Variants in MYH15 observed in about 807,000 individuals in gnomAD.
MYH15 encodes myosin-15.
MYH15 carries 227 observed loss-of-function variants against 240.5 expected under a neutral mutation model. The ratio of observed to expected loss-of-function variants is 0.94; its 90% confidence interval spans 0.85 to 1.05. The LOEUF (loss-of-function observed/expected upper bound fraction) is 1.05, where lower values mean the gene tolerates loss of function less well. MYH15 is among the 50% of genes least tolerant of loss of function. The pLI, the probability that MYH15 is intolerant of heterozygous loss-of-function variation, is 0.00. For synonymous variants in MYH15, 785 were observed against 796.7 expected, an observed-to-expected ratio of 0.99 and a Z score of 0.25; for missense variants, 2,217 against 2,247.5, an observed-to-expected ratio of 0.99 and a Z score of 0.27.
chr3:108,419,715 G>C (rs981677153), intron 28 of MYH15, among the ~76,000 whole-genome samples: 1 of 152,132 alleles, frequency 6.6e-6, no homozygotes. Context: ...TAGATTTCCA[G>C]GTTTTTAGTT....
At chr3:108,392,040 T>C in intron 36 of MYH15, 110 bp from the exon 37 acceptor site, 2 of 1,190,006 alleles carry the variant, frequency 1.7e-6, no homozygotes, top group South Asian at 2.9e-5. Context: ...CTTGCCTCTA[T>C]GTATGTGATC....
chr3:108,437,185 A>AT (rs10714366), intron 25 of MYH15, among the ~76,000 whole-genome samples: 21,751 of 142,368 alleles, frequency 0.15, 1,793 homozygotes, highest in South Asian at 0.23. Flanking sequence ...ATCAGGATCA[A>AT]TTTTTTTTTT....
At chr3:108,454,602 T>C (rs749082598) in intron 20 of MYH15, among the ~76,000 whole-genome samples, 1 of 152,170 alleles carries the variant, frequency 6.6e-6, no homozygotes, top group Non-Finnish European at 1.5e-5. Flanking sequence ...TCTAAAACCA[T>C]TTTTAGCTAG....
At position 108,501,911 on chromosome 3, in the gene MYH15, T is replaced by C. The variant is rs542375634; in HGVS notation, c.196-56A>G. ...TCCCCTGTCTCCTATGCGTATTCAT[T>C]TTCCCATGAATTAGAAAGAATATTC... is the stretch of plus-strand genomic sequence containing the variant. On this transcript the variant is annotated intron_variant, in intron 2 of 40. Transcript: ENST00000693548. The C allele has an allele frequency of 9.1e-6, 14 of 1,542,664 alleles. No homozygotes were observed. In the East Asian group the frequency reaches 2.5e-4, roughly 27 times the overall value.
intron 27 of MYH15, 36 bp from the exon 28 acceptor site, chr3:108,421,250 C>A (rs1382443961): frequency 1.2e-6 from 2 of 1,601,166 alleles, no homozygotes; most frequent in Middle Eastern, 1.8e-4. Context: ...TCAGGGCTCA[C>A]AGAGGATACT....
chr3:108,392,400 T>C (rs966998527), intron 36 of MYH15, among the ~76,000 whole-genome samples: 3 of 152,224 alleles, frequency 2.0e-5, no homozygotes, highest in Non-Finnish European at 4.4e-5. Flanking sequence ...GCTCCAGGAA[T>C]TTGGCAGTAA....
rs370498032 is a variant in MYH15 at position 108,510,553 on chromosome 3, A to C, written c.-23T>G. ...CATCTTTATTAAAGCAATCCACCAA[A>C]AAAAGGCCCTAAACGTGAGTAGGCA... On this transcript the variant is annotated 5_prime_UTR_variant, in exon 1 of 41. Coordinates refer to ENST00000693548, the MANE Select transcript of MYH15 (RefSeq NM_014981.3). The C allele has an allele frequency of 1.2e-6, 2 of 1,613,344 alleles. No individual in the cohort carries two copies. Among genetic ancestry groups the C allele is most frequent in the South Asian group, 1.1e-5 (1 of 91,006 alleles).
At chr3:108,394,331 G>T (rs2082443349) in intron 35 of MYH15, among the ~76,000 whole-genome samples, 175 bp from the exon 36 acceptor site, 1 of 152,170 alleles carries the variant, frequency 6.6e-6, no homozygotes, top group South Asian at 2.1e-4. Context: ...CATCAAACTT[G>T]AATGGAAGGG....
the MYH15 span, among the ~76,000 whole-genome samples, chr3:108,541,822 A>G: frequency 5.3e-5 from 8 of 152,278 alleles, no homozygotes; most frequent in Non-Finnish European, 8.8e-5. Context: ...ATGATCAAGA[A>G]GCCCTATACG....
intron 1 of MYH15, among the ~76,000 whole-genome samples, chr3:108,526,848 G>T (rs1481220156): frequency 6.6e-6 from 1 of 152,066 alleles, no homozygotes; most frequent in African/African-American, 2.4e-5. Flanking sequence ...GTGAGGACTG[G>T]TGTTTTGGTT....
intron 29 of MYH15, 50 bp downstream of exon 29, chr3:108,416,762 A>T (rs116262927): frequency 0.92 from 1,304,967 of 1,425,460 alleles, 597,736 homozygotes; most frequent in East Asian, 0.99. Flanking sequence ...TATTTTTTAA[A>T]AAAAAAAACA....
At chr3:108,445,867 T>C (rs2107572261) in intron 21 of MYH15, among the ~76,000 whole-genome samples, 1 of 151,942 alleles carries the variant, frequency 6.6e-6, no homozygotes, top group Non-Finnish European at 1.5e-5. Flanking sequence ...ATAAAATGTC[T>C]AAAACTAAAA....
chr3:108,463,327 T>C (rs2083087219), intron 15 of MYH15, 84 bp from the exon 16 acceptor site: 1 of 1,422,434 alleles, frequency 7.0e-7, no homozygotes, highest in Non-Finnish European at 9.5e-7. Context: ...ACCCCTTTTT[T>C]TTTTTGAGAC....
Position 108,476,492 on chromosome 3 carries a change from T to C in MYH15, c.1138A>G (p.Met380Val), listed in dbSNP as rs778269071. 134 of 1,612,324 alleles carry C rather than the reference T, an allele frequency of 8.3e-5. No homozygotes were observed. The highest frequency in any genetic ancestry group is 1.1e-4 in the Non-Finnish European group (130 of 1,178,770). ...ACCAACTCAGAGGAGTTAATGCCCA[T>C]GAGGAAAGCAGCTTTGTCAGCATCT... Reference protein sequence around the residue: ...TENADKAAFLMGINSSELVKC... With the variant: ...TENADKAAFLVGINSSELVKC... The change falls in exon 12 of 41, where the codon ATG becomes GTG. Residue 380 changes from methionine (M) to valine (V), a missense_variant. Met to Val is a conservative substitution (Grantham distance 21, BLOSUM62 1). Coordinates refer to ENST00000693548, the MANE Select transcript of MYH15 (RefSeq NM_014981.3).
chr3:108,493,767 G>A (rs1448752465), intron 7 of MYH15, among the ~76,000 whole-genome samples: 1 of 152,160 alleles, frequency 6.6e-6, no homozygotes, highest in African/African-American at 2.4e-5. Context: ...AAATGGAGTC[G>A]AAGAGGTAGA....
chr3:108,415,846 G>C (rs2082628787), intron 29 of MYH15, among the ~76,000 whole-genome samples: 1 of 152,154 alleles, frequency 6.6e-6, no homozygotes, highest in South Asian at 2.1e-4. Context: ...GAAGGAGGCT[G>C]GAGCCAGATC....
intron 38 of MYH15, among the ~76,000 whole-genome samples, chr3:108,385,672 T>C (rs2082378269): frequency 6.6e-6 from 1 of 152,222 alleles, no homozygotes; most frequent in Non-Finnish European, 1.5e-5. Flanking sequence ...GAGAAGCTGA[T>C]TTAATCAAGA....
chr3:108,544,101 A>C, the MYH15 span, among the ~76,000 whole-genome samples: 2 of 152,238 alleles, frequency 1.3e-5, no homozygotes, highest in African/African-American at 4.8e-5. Flanking sequence ...GATCTAAAAG[A>C]AGCCACTGAT....
At chr3:108,396,347 G>GA (rs749443320) in intron 35 of MYH15, among the ~76,000 whole-genome samples, 1 of 129,098 alleles carries the variant, frequency 7.7e-6, no homozygotes, top group African/African-American at 2.9e-5. Context: ...AGCAGGGTTG[G>GA]GGGGAGACGG....
Sources: allele counts gnomAD v4.1 joint callset (sites outside exome capture counted in the v4.1 genomes callset), GRCh38; gene constraint gnomAD v4.1.1; transcripts MANE v1.5; gene names NCBI Gene and HGNC (gene_info 2026-07-23, HGNC 2026-07-21).